The following NPAS2 variants were observed in gnomAD, a reference collection of about 807,000 sequenced individuals.
NPAS2 encodes the protein neuronal PAS domain protein 2, also known as neuronal PAS domain-containing protein 2.
In NPAS2, 23 loss-of-function variants were observed where a neutral mutation model predicts 107.5. The ratio of observed to expected loss-of-function variants is 0.21; its 90% CI spans 0.15 to 0.30. The LOEUF (loss-of-function observed/expected upper bound fraction) is 0.30, where lower values mean the gene tolerates loss of function less well. NPAS2 is among the 10% of genes least tolerant of loss of function. The pLI is 1.00. For synonymous variants in NPAS2, 403 were observed against 417.5 expected, an observed-to-expected ratio of 0.97 and a Z score of 0.42; for missense variants, 756 against 1,043.3, an observed-to-expected ratio of 0.72 and a Z score of 3.79.
intron 5 of NPAS2, among the ~76,000 whole-genome samples, chr2:100,947,612 C>T (rs533951486): frequency 2.0e-5 from 3 of 152,074 alleles, no homozygotes; most frequent in African/African-American, 7.2e-5. Flanking sequence ...GTTTCAAGTG[C>T]TCAGTAACCA....
chr2:100,990,493 C>T (rs1281413424), intron 18 of NPAS2, 47 bp downstream of exon 18: 2 of 1,582,454 alleles, frequency 1.3e-6, no homozygotes, highest in Admixed American at 1.7e-5. Flanking sequence ...ATCATTTTAC[C>T]CCATTCATTT....
At chr2:100,938,883 C>T (rs1365813456) in intron 5 of NPAS2, among the ~76,000 whole-genome samples, 1 of 152,174 alleles carries the variant, frequency 6.6e-6, no homozygotes, top group African/African-American at 2.4e-5. Flanking sequence ...CAGCCAAAAC[C>T]TTCCCCACCA....
chr2:100,892,788 C>G (rs577622410), intron 1 of NPAS2, among the ~76,000 whole-genome samples: 4 of 152,152 alleles, frequency 2.6e-5, no homozygotes, highest in Non-Finnish European at 5.9e-5. Flanking sequence ...GGCGTGATCT[C>G]AGCTCGTTGC....
chr2:100,819,703 T>TC (rs1366111682), upstream of NPAS2, among the ~76,000 whole-genome samples: 1 of 151,514 alleles, frequency 6.6e-6, no homozygotes, highest in Non-Finnish European at 1.5e-5. The surrounding 1 kb of genome is among the most constrained non-coding windows in gnomAD (Gnocchi z 5.8). Flanking sequence ...GATTCCTTGT[T>TC]CCCCCCGAGT....
intron 7 of NPAS2, among the ~76,000 whole-genome samples, chr2:100,952,564 CA>C (rs371082912): frequency 2.2e-4 from 32 of 144,244 alleles, no homozygotes; most frequent in African/African-American, 2.5e-4. Flanking sequence ...AACTCTGTCT[CA>C]AAAAAAAAAC....
At chr2:100,951,504 TAAAAAG>T (rs1308689044) in intron 7 of NPAS2, among the ~76,000 whole-genome samples, 1 of 152,202 alleles carries the variant, frequency 6.6e-6, no homozygotes, top group Non-Finnish European at 1.5e-5. Flanking sequence ...TATTCGGCCT[TAAAAAG>T]AAAGGAAATT....
At chr2:100,893,474 C>G (rs559239621) in intron 1 of NPAS2, among the ~76,000 whole-genome samples, 28 of 152,170 alleles carry the variant, frequency 1.8e-4, no homozygotes, top group African/African-American at 6.3e-4. Context: ...TAACTTGGGA[C>G]CTGTAATTCA....
At position 100,834,001 on chromosome 2, in the gene NPAS2, C is replaced by T. The variant is rs1188791150; in HGVS notation, c.-23+13587C>T. On this transcript the variant is annotated intron_variant, in intron 1 of 20. Coordinates refer to ENST00000335681, the MANE Select transcript of NPAS2 (RefSeq NM_002518.4). ...GGTTTTGAGGTGGAAGGAAAGGACC[C>T]TAGTGATCATCTGGTACAACGTGGT... Among the ~76,000 whole-genome samples, 9 of 152,244 alleles carry T rather than the reference C, an allele frequency of 5.9e-5. No homozygotes were observed. In the East Asian group the frequency reaches 1.4e-3, roughly 23 times the overall value.
At chr2:100,923,586 A>G (rs556394294) in intron 2 of NPAS2, among the ~76,000 whole-genome samples, 1 of 152,254 alleles carries the variant, frequency 6.6e-6, no homozygotes, top group South Asian at 2.1e-4. Context: ...TGTCCTGACC[A>G]CACATTGGCC....
intron 1 of NPAS2, among the ~76,000 whole-genome samples, chr2:100,837,636 A>T (rs1007882768): frequency 6.6e-6 from 1 of 152,136 alleles, no homozygotes; most frequent in Admixed American, 6.5e-5. Flanking sequence ...TTAGACACAC[A>T]GTTTACCTTT....
At position 100,964,882 on chromosome 2, in the gene NPAS2, C is replaced by A. The variant is rs753817182; in HGVS notation, c.739C>A (p.Pro247Thr). Reference sequence around the variant, plus strand: ...ACAGGAAATGTGCATAGTTGACGAACCTTTAGAGGAATTCACTTCAAGGCA... The same window carrying A: ...ACAGGAAATGTGCATAGTTGACGAAACTTTAGAGGAATTCACTTCAAGGCA... The part of the protein sequence containing the change: ...FLKEMCIVDE[P>T]LEEFTSRHSL... Residue 247 changes from proline to threonine, a missense_variant, in exon 9 of 21, where the codon CCT becomes ACT. Coordinates refer to ENST00000335681, the MANE Select transcript of NPAS2 (RefSeq NM_002518.4). The A allele has an allele frequency of 8.9e-6, 14 of 1,572,918 alleles. No individual in the cohort carries two copies. Among genetic ancestry groups the A allele is most frequent in the Non-Finnish European group, 1.2e-5 (14 of 1,168,992 alleles).
chr2:100,939,189 G>A (rs1268584773), intron 5 of NPAS2, among the ~76,000 whole-genome samples: 1 of 152,218 alleles, frequency 6.6e-6, no homozygotes, highest in Admixed American at 6.5e-5. Context: ...AAATGATGCT[G>A]TGTGCAGATC....
chr2:100,819,616 C>T (rs1675930015), upstream of NPAS2, among the ~76,000 whole-genome samples: 1 of 152,226 alleles, frequency 6.6e-6, no homozygotes, highest in South Asian at 2.1e-4. This position sits in a 1 kb window ranked among gnomAD's most constrained non-coding sequence, Gnocchi z 5.8. Context: ...GTCGCGTGCT[C>T]GTCCCCCTTC....
intron 1 of NPAS2, among the ~76,000 whole-genome samples, chr2:100,896,264 C>T (rs1681404349): frequency 6.6e-6 from 1 of 152,172 alleles, no homozygotes; most frequent in African/African-American, 2.4e-5. Context: ...GATCATAGAG[C>T]AAGTAGGTTG....
In NPAS2 at chr2:100,885,443, G is replaced by A. The variant is rs556372264; in HGVS notation, c.-22-19290G>A. Among the ~76,000 whole-genome samples, 48 of 152,296 alleles carry A rather than the reference G, an allele frequency of 3.2e-4. 2 individuals are homozygous for A. In the South Asian group the frequency reaches 8.9e-3, roughly 28 times the overall value. On this transcript the variant is annotated intron_variant, in intron 1 of 20. Transcript: ENST00000335681. ...CTGTTTAAATTTATAACATGCAAGAGTATATGTGTATGTGGCCTTGGAATG... is the reference window on the plus strand; with the variant it reads ...CTGTTTAAATTTATAACATGCAAGAATATATGTGTATGTGGCCTTGGAATG...
chr2:100,886,317 T>C (rs1433834514), intron 1 of NPAS2, among the ~76,000 whole-genome samples: 1 of 152,232 alleles, frequency 6.6e-6, no homozygotes, highest in Non-Finnish European at 1.5e-5. Context: ...CAAGGTCTCC[T>C]ATCCAGCAAC....
At chr2:100,942,168 T>C (rs1456923165) in intron 5 of NPAS2, among the ~76,000 whole-genome samples, 2 of 152,128 alleles carry the variant, frequency 1.3e-5, no homozygotes, top group African/African-American at 2.4e-5. Flanking sequence ...TTCTGTATCA[T>C]GCTGGCTCGC....
At chr2:100,837,459 T>G (rs1366224480) in intron 1 of NPAS2, among the ~76,000 whole-genome samples, 1 of 152,110 alleles carries the variant, frequency 6.6e-6, no homozygotes, top group Non-Finnish European at 1.5e-5. Context: ...AGCTAATTTT[T>G]TTGTATTTTT....
At chr2:100,895,038 T>C (rs1452506679) in intron 1 of NPAS2, among the ~76,000 whole-genome samples, 1 of 152,228 alleles carries the variant, frequency 6.6e-6, no homozygotes, top group Non-Finnish European at 1.5e-5. Flanking sequence ...TCAAGGGTAC[T>C]GTATACAGTT....
Sources: gnomAD v4.1 joint callset for allele counts (sites outside exome capture counted in the v4.1 genomes callset) on GRCh38, gnomAD v4.1.1 for gene constraint, Gnocchi (gnomAD v3.1) non-coding constraint, MANE v1.5 for transcripts, NCBI Gene and HGNC (gene_info 2026-07-23, HGNC 2026-07-21) for gene names.